PRKN: variants seen among roughly 807,000 people sequenced by gnomAD.
The protein encoded by PRKN is E3 ubiquitin-protein ligase parkin.
A neutral mutation model predicts 59.5 loss-of-function variants in PRKN; 56 were observed. That is an observed-to-expected ratio of 0.94 (90% CI 0.76 to 1.18). The LOEUF (loss-of-function observed/expected upper bound fraction) is 1.18. PRKN is among the 50% of genes most tolerant of loss of function. PRKN has a pLI of 0.00. For missense variants in PRKN, 657 were observed against 596.4 expected, an observed-to-expected ratio of 1.10 and a Z score of -1.06; for synonymous variants, 250 against 222.1, an observed-to-expected ratio of 1.13 and a Z score of -1.12.
At chr6:162,337,126 C>T (rs1463450866) in intron 2 of PRKN, among the ~76,000 whole-genome samples, 1 of 152,132 alleles carries the variant, frequency 6.6e-6, no homozygotes, top group African/African-American at 2.4e-5. Context: ...TAAAAAGGAA[C>T]CCCAAATATT....
At chr6:161,964,947 T>C (rs1780520823) in intron 6 of PRKN, among the ~76,000 whole-genome samples, 1 of 152,068 alleles carries the variant, frequency 6.6e-6, no homozygotes, top group East Asian at 1.9e-4. Context: ...ATGCCAGCTA[T>C]AGCCAGAATT....
intron 2 of PRKN, among the ~76,000 whole-genome samples, chr6:162,334,526 G>A (rs1459136441): frequency 6.6e-6 from 1 of 152,158 alleles, no homozygotes; most frequent in East Asian, 1.9e-4. Context: ...GCACTGTTGA[G>A]AACTCCAGCT....
At chr6:161,971,845 C>T (rs1206999434) in intron 6 of PRKN, among the ~76,000 whole-genome samples, 1 of 152,090 alleles carries the variant, frequency 6.6e-6, no homozygotes, top group Non-Finnish European at 1.5e-5. Context: ...CTTTAAAAGA[C>T]CATCTAATAC....
chr6:161,877,407 G>A (rs116930723), intron 6 of PRKN, among the ~76,000 whole-genome samples: 1 of 151,888 alleles, frequency 6.6e-6, no homozygotes, highest in Non-Finnish European at 1.5e-5. Flanking sequence ...CCTACATCAT[G>A]ACTATTTTAA....
intron 6 of PRKN, among the ~76,000 whole-genome samples, chr6:161,865,572 G>T (rs901416348): frequency 6.6e-6 from 1 of 152,208 alleles, no homozygotes; most frequent in African/African-American, 2.4e-5. Flanking sequence ...ATAACTTGCT[G>T]CTTCACCTTG....
chr6:162,079,276 C>A (rs1778961084), intron 4 of PRKN, among the ~76,000 whole-genome samples: 1 of 152,134 alleles, frequency 6.6e-6, no homozygotes, highest in Admixed American at 6.5e-5. Flanking sequence ...TAGTTGGGAA[C>A]CATTAGCAAC....
At chr6:162,545,366 GA>G (rs1390795077) in intron 1 of PRKN, among the ~76,000 whole-genome samples, 1 of 152,144 alleles carries the variant, frequency 6.6e-6, no homozygotes, top group African/African-American at 2.4e-5. Flanking sequence ...AAGTTGTCAA[GA>G]AGAGATACCA....
At chr6:162,463,431 T>C (rs1221340771) in intron 1 of PRKN, among the ~76,000 whole-genome samples, 1 of 152,196 alleles carries the variant, frequency 6.6e-6, no homozygotes, top group African/African-American at 2.4e-5. Flanking sequence ...GGACTAGCTT[T>C]CCAAGGGGGT....
chr6:162,560,154 A>G (rs1779776153), intron 1 of PRKN, among the ~76,000 whole-genome samples: 1 of 152,242 alleles, frequency 6.6e-6, no homozygotes, highest in South Asian at 2.1e-4. Flanking sequence ...TAAAGAGGTT[A>G]TAATTAGGTT....
intron 4 of PRKN, among the ~76,000 whole-genome samples, chr6:162,096,769 T>C (rs559222088): frequency 1.7e-5 from 2 of 120,926 alleles, no homozygotes; most frequent in African/African-American, 5.4e-5. Context: ...TGAGTCCATT[T>C]AACCTCTTTT....
At chr6:161,739,261 C>T (rs147080517) in intron 7 of PRKN, among the ~76,000 whole-genome samples, 1 of 151,980 alleles carries the variant, frequency 6.6e-6, no homozygotes, top group Non-Finnish European at 1.5e-5. Context: ...CATAAAAATT[C>T]ACCAGGTATG....
At chr6:161,694,277 AC>A (rs200925536) in intron 7 of PRKN, among the ~76,000 whole-genome samples, 3,913 of 152,292 alleles carry the variant, frequency 0.026, 80 homozygotes, top group Non-Finnish European at 0.043. Flanking sequence ...CTATGATGTA[AC>A]CCATCATAGT....
chr6:161,683,211 G>C (rs1583000178), intron 7 of PRKN, among the ~76,000 whole-genome samples: 1 of 152,184 alleles, frequency 6.6e-6, no homozygotes, highest in Non-Finnish European at 1.5e-5. Context: ...TGTTGACTCA[G>C]CAATAAAGCT....
intron 3 of PRKN, among the ~76,000 whole-genome samples, chr6:162,256,096 C>T (rs1779628942): frequency 6.6e-6 from 1 of 152,044 alleles, no homozygotes; most frequent in African/African-American, 2.4e-5. Context: ...TACAGAGCAT[C>T]AGAGGTATCA....
At chr6:162,183,904 G>A (rs1180271747) in intron 4 of PRKN, among the ~76,000 whole-genome samples, 3 of 152,142 alleles carry the variant, frequency 2.0e-5, no homozygotes, top group African/African-American at 7.2e-5. Context: ...AGGTGCACCT[G>A]ACTGCCCCAG....
At chr6:162,201,005 C>G in intron 4 of PRKN, 126 bp downstream of exon 4, 1 of 1,096,062 alleles carries the variant, frequency 9.1e-7, no homozygotes, top group Non-Finnish European at 1.4e-6. Flanking sequence ...TTAACTATCA[C>G]AACCACAGAA....
At chr6:162,159,578 G>C (rs1782669737) in intron 4 of PRKN, among the ~76,000 whole-genome samples, 1 of 152,144 alleles carries the variant, frequency 6.6e-6, no homozygotes, top group Admixed American at 6.5e-5. Flanking sequence ...TCAAAAGGCA[G>C]ATTTCTTTGT....
intron 2 of PRKN, among the ~76,000 whole-genome samples, chr6:162,394,674 A>C (rs1413296368): frequency 6.6e-6 from 1 of 152,178 alleles, no homozygotes; most frequent in Non-Finnish European, 1.5e-5. Context: ...GGCTTATCTC[A>C]TGAAGTCCCA....
At chr6:162,723,874 G>T (rs893270631) in intron 1 of PRKN, among the ~76,000 whole-genome samples, 19 of 152,126 alleles carry the variant, frequency 1.2e-4, no homozygotes, top group African/African-American at 4.6e-4. Context: ...AGTGGATCTG[G>T]ACATGCAGAT....
Sources: gnomAD v4.1 joint callset for allele counts (sites outside exome capture counted in the v4.1 genomes callset) on GRCh38, gnomAD v4.1.1 for gene constraint, MANE v1.5 for transcripts, NCBI Gene and HGNC (gene_info 2026-07-23, HGNC 2026-07-21) for gene names.